The following TCF4 variants were observed in gnomAD, a reference collection of about 807,000 sequenced individuals.
TCF4 encodes SL3-3 enhancer factor 2.
Under a neutral mutation model 82.1 loss-of-function variants are expected in TCF4, and 3 were observed. That is an observed-to-expected ratio of 0.04 (90% CI 0.02 to 0.09). TCF4 has a LOEUF of 0.09. Among genes scored for constraint, TCF4 ranks in the 10% least tolerant of loss-of-function variants. The pLI is 1.00. For missense variants in TCF4, 518 were observed against 852.7 expected (o/e 0.61, Z 4.89); for synonymous variants, 276 against 309.6 (o/e 0.89, Z 1.14).
intron 3 of TCF4, among the ~76,000 whole-genome samples, chr18:55,500,808 C>A (rs2096689793): frequency 6.6e-6 from 1 of 152,152 alleles, no homozygotes; most frequent in African/African-American, 2.4e-5. Flanking sequence ...TGAGGTGGTT[C>A]TCCCCCATAT....
chr18:55,586,902 A>G (rs1283643749), intron 2 of TCF4, 143 bp downstream of exon 2: 4 of 736,532 alleles, frequency 5.4e-6, no homozygotes, highest in East Asian at 2.8e-5. Flanking sequence ...AAACTTGTCA[A>G]AAAGACCTTC....
chr18:55,621,687 A>G (rs1169856682), intron 2 of TCF4, among the ~76,000 whole-genome samples: 1 of 83,210 alleles, frequency 1.2e-5, no homozygotes, highest in East Asian at 3.6e-4. Flanking sequence ...ATTATATATT[A>G]TATTATATAA....
intron 6 of TCF4, among the ~76,000 whole-genome samples, chr18:55,374,124 G>A (rs2145664535): frequency 6.6e-6 from 1 of 152,126 alleles, no homozygotes; most frequent in South Asian, 2.1e-4. Flanking sequence ...AGTGATAGCT[G>A]TATATAAGAA....
chr18:55,618,752 A>AT (rs35018085), intron 2 of TCF4, among the ~76,000 whole-genome samples: 45,947 of 147,298 alleles, frequency 0.31, 7,496 homozygotes, highest in East Asian at 0.44. Context: ...TGGCTAATTA[A>AT]TTTTTTTTTT....
chr18:55,448,893 GC>G (rs1274367215), intron 5 of TCF4, among the ~76,000 whole-genome samples: 1 of 152,154 alleles, frequency 6.6e-6, no homozygotes, highest in East Asian at 1.9e-4. Context: ...AGGGTAAGGG[GC>G]AAAATCTCAT....
chr18:55,384,493 A>C (rs1461704436), intron 6 of TCF4, among the ~76,000 whole-genome samples: 3 of 152,214 alleles, frequency 2.0e-5, no homozygotes, highest in Non-Finnish European at 2.9e-5. Flanking sequence ...CTAGAAACAA[A>C]AATCAGACCA....
At chr18:55,318,345 T>C (rs977156927) in intron 8 of TCF4, among the ~76,000 whole-genome samples, 2 of 152,070 alleles carry the variant, frequency 1.3e-5, no homozygotes, top group African/African-American at 4.8e-5. Context: ...GACAGACACA[T>C]TGGCACACTT....
chr18:55,256,449 G>C (rs1450040808), intron 14 of TCF4, among the ~76,000 whole-genome samples: 3 of 152,152 alleles, frequency 2.0e-5, no homozygotes, highest in African/African-American at 7.2e-5. Context: ...ATGCATAGCT[G>C]AATGATTCAT....
chr18:55,496,556 A>G (rs934085078), intron 3 of TCF4, among the ~76,000 whole-genome samples: 14 of 152,164 alleles, frequency 9.2e-5, no homozygotes, highest in African/African-American at 3.4e-4. Context: ...TATTTATACT[A>G]GAAACAATTC....
intron 3 of TCF4, among the ~76,000 whole-genome samples, chr18:55,559,881 AG>A (rs1471985347): frequency 6.6e-6 from 1 of 152,170 alleles, no homozygotes; most frequent in Non-Finnish European, 1.5e-5. Context: ...TGCCTCCTGA[AG>A]CAAGAAAAAG....
chr18:55,457,225 A>ATT (rs2095777923), intron 5 of TCF4, among the ~76,000 whole-genome samples: 1 of 152,252 alleles, frequency 6.6e-6, no homozygotes, highest in East Asian at 1.9e-4. Flanking sequence ...GTTCTTCTTT[A>ATT]AAACACTTAC....
chr18:55,563,535 G>C (rs1306061258), intron 3 of TCF4, among the ~76,000 whole-genome samples: 1 of 152,224 alleles, frequency 6.6e-6, no homozygotes, highest in Non-Finnish European at 1.5e-5. Flanking sequence ...TAAGGAGTTT[G>C]CTTAGAGAAG....
At chr18:55,297,152 T>C (rs1448748860) in intron 8 of TCF4, among the ~76,000 whole-genome samples, 1 of 137,098 alleles carries the variant, frequency 7.3e-6, no homozygotes, top group Non-Finnish European at 1.6e-5. Flanking sequence ...TTGAGGTTTT[T>C]TTTTTTTTTT....
chr18:55,462,799 G>A (rs1044659626), intron 4 of TCF4, among the ~76,000 whole-genome samples: 6 of 152,126 alleles, frequency 3.9e-5, no homozygotes, highest in Admixed American at 2.6e-4. Context: ...ATGAGGAGGA[G>A]GAAAGATTTC....
At chr18:55,420,565 C>CGG (rs78068020) in intron 5 of TCF4, among the ~76,000 whole-genome samples, 1 of 152,056 alleles carries the variant, frequency 6.6e-6, no homozygotes, top group African/African-American at 2.4e-5. Flanking sequence ...CCCAGGATTC[C>CGG]GGGGGCTAAT....
intron 3 of TCF4, among the ~76,000 whole-genome samples, chr18:55,574,340 T>C (rs2097506583): frequency 6.6e-6 from 1 of 152,196 alleles, no homozygotes; most frequent in Admixed American, 6.5e-5. Context: ...TTATTTTATT[T>C]TTGAGACAGA....
At chr18:55,379,163 GA>G (rs2091430508) in intron 6 of TCF4, among the ~76,000 whole-genome samples, 1 of 152,194 alleles carries the variant, frequency 6.6e-6, no homozygotes, top group African/African-American at 2.4e-5. Flanking sequence ...TATAAATGTA[GA>G]AAAGTGTGAA....
intron 3 of TCF4, among the ~76,000 whole-genome samples, chr18:55,517,556 G>A (rs76858784): frequency 0.16 from 24,934 of 152,148 alleles, 2,470 homozygotes; most frequent in South Asian, 0.25. Context: ...GCTATGCAGC[G>A]ATAGATAATA....
intron 1 of TCF4, 68 bp downstream of exon 1, chr18:55,587,970 C>A: frequency 1.0e-6 from 1 of 953,788 alleles, no homozygotes; most frequent in Non-Finnish European, 1.2e-6. Context: ...CGTGCGGGGC[C>A]GCCGAGCCCG....
Sources: gnomAD v4.1 joint callset for allele counts (sites outside exome capture counted in the v4.1 genomes callset) on GRCh38, gnomAD v4.1.1 for gene constraint, MANE v1.5 for transcripts, NCBI Gene and HGNC (gene_info 2026-07-23, HGNC 2026-07-21) for gene names.